The following DLG2 variants were observed in gnomAD, a reference collection of about 807,000 sequenced individuals.
DLG2 encodes the protein disks large homolog 2.
Under a neutral mutation model 132.5 loss-of-function variants are expected in DLG2, and 45 were observed. The observed-to-expected ratio is 0.34, with a 90% CI of 0.27 to 0.44. The LOEUF (loss-of-function observed/expected upper bound fraction) is 0.44. Ranked by LOEUF, DLG2 falls within the 20% of genes least tolerant of loss-of-function variation. DLG2 has a pLI of 1.00. For missense variants in DLG2, 1,045 were observed against 1,196.9 expected (o/e 0.87, Z 1.87); for synonymous variants, 424 against 419.6 (o/e 1.01, Z -0.13).
intron 18 of DLG2, among the ~76,000 whole-genome samples, chr11:83,677,530 C>A (rs2077957510): frequency 6.6e-6 from 1 of 152,156 alleles, no homozygotes; most frequent in South Asian, 2.1e-4. Context: ...CTAAGGAAAG[C>A]AAAGTTGCAA....
At chr11:85,391,166 T>C (rs1596811909) in intron 3 of DLG2, among the ~76,000 whole-genome samples, 5 of 152,018 alleles carry the variant, frequency 3.3e-5, no homozygotes, top group Admixed American at 3.3e-4. Flanking sequence ...AACGTTTACA[T>C]GCATAAACTA....
At chr11:84,112,864 A>G (rs1287995134) in intron 9 of DLG2, among the ~76,000 whole-genome samples, 2 of 152,218 alleles carry the variant, frequency 1.3e-5, no homozygotes, top group Non-Finnish European at 2.9e-5. Flanking sequence ...TAGCTTTACT[A>G]TCTCTTGACT....
At chr11:85,225,465 C>A (rs1241169921) in intron 4 of DLG2, among the ~76,000 whole-genome samples, 1 of 152,132 alleles carries the variant, frequency 6.6e-6, no homozygotes, top group Non-Finnish European at 1.5e-5. Context: ...AAAATCTTAA[C>A]CTAAGTTTAT....
At chr11:84,459,370 A>G (rs1009670752) in intron 7 of DLG2, among the ~76,000 whole-genome samples, 7 of 150,734 alleles carry the variant, frequency 4.6e-5, no homozygotes, top group Admixed American at 4.0e-4. Flanking sequence ...CCTTTTGACA[A>G]ATAATATCAC....
intron 19 of DLG2, among the ~76,000 whole-genome samples, chr11:83,574,787 G>A (rs1292014834): frequency 6.6e-6 from 1 of 152,140 alleles, no homozygotes; most frequent in Non-Finnish European, 1.5e-5. Flanking sequence ...TAAAACGATT[G>A]GATCCAGGGA....
chr11:84,428,998 C>T (rs1204869493), intron 7 of DLG2, among the ~76,000 whole-genome samples: 3 of 152,082 alleles, frequency 2.0e-5, no homozygotes, highest in Non-Finnish European at 2.9e-5. Context: ...AGGAAGAGAA[C>T]CAAAGCCTCA....
chr11:84,901,093 A>T (rs1272476081), intron 6 of DLG2, among the ~76,000 whole-genome samples: 1 of 152,098 alleles, frequency 6.6e-6, no homozygotes, highest in East Asian at 1.9e-4. Flanking sequence ...CAATTAATAG[A>T]CATTTAAAAA....
Position 85,264,983 on chromosome 11 carries a change from C to T in DLG2, c.186+20237G>A, listed in dbSNP as rs76798525. 7.5e-3 allele frequency among the ~76,000 whole-genome samples: 1,136 copies of T among 152,316 alleles called. 12 individuals are homozygous for T. The highest frequency in any genetic ancestry group is 0.011 in the Admixed American group (174 of 15,288). On this transcript the variant is annotated intron_variant, in intron 4 of 27. Transcript: ENST00000376104. ...TATCATCCTCCACTTACATTCTAGT[C>T]ATGCAGAGCTACTTGTAGCTCCTAG...
intron 6 of DLG2, among the ~76,000 whole-genome samples, chr11:84,892,192 G>C (rs1485368116): frequency 6.6e-6 from 1 of 152,144 alleles, no homozygotes; most frequent in Non-Finnish European, 1.5e-5. Flanking sequence ...GGCAACTGAT[G>C]TCATAGGATA....
intron 5 of DLG2, among the ~76,000 whole-genome samples, chr11:85,137,969 C>T (rs994440671): frequency 6.6e-6 from 1 of 151,584 alleles, no homozygotes; most frequent in Non-Finnish European, 1.5e-5. Context: ...TAATGGATCC[C>T]GAAAATAATT....
chr11:84,438,086 C>T (rs941373279), intron 7 of DLG2, among the ~76,000 whole-genome samples: 2 of 152,204 alleles, frequency 1.3e-5, no homozygotes, highest in Admixed American at 6.5e-5. Flanking sequence ...CCCAATCCCA[C>T]TCATATCCTC....
chr11:84,698,587 A>C (rs186310634), intron 6 of DLG2, among the ~76,000 whole-genome samples: 1 of 151,622 alleles, frequency 6.6e-6, no homozygotes, highest in South Asian at 2.1e-4. Context: ...ATCATATGTA[A>C]TAAGTGCATA....
chr11:83,821,227 C>T (rs1333761094), intron 17 of DLG2, among the ~76,000 whole-genome samples: 4 of 152,152 alleles, frequency 2.6e-5, no homozygotes, highest in Non-Finnish European at 5.9e-5. Flanking sequence ...GCCAATGCTG[C>T]CCTTGGGAAT....
At chr11:84,510,114 T>TATTATC (rs1554982236) in intron 7 of DLG2, among the ~76,000 whole-genome samples, 1 of 150,100 alleles carries the variant, frequency 6.7e-6, no homozygotes, top group Non-Finnish European at 1.5e-5. Flanking sequence ...TTATTATTAT[T>TATTATC]ATTATTATTA....
intron 19 of DLG2, among the ~76,000 whole-genome samples, chr11:83,553,698 C>A (rs1000061164): frequency 1.3e-5 from 2 of 151,930 alleles, no homozygotes; most frequent in African/African-American, 4.8e-5. Context: ...TGACTTTCAC[C>A]CAGTAAGGTT....
chr11:84,834,652 G>A (rs1283543052), intron 6 of DLG2, among the ~76,000 whole-genome samples: 2 of 151,542 alleles, frequency 1.3e-5, no homozygotes, highest in Non-Finnish European at 1.5e-5. Flanking sequence ...TGAATATGGA[G>A]TCTTTTTTAT....
chr11:84,288,465 A>G (rs1336109167), intron 7 of DLG2, among the ~76,000 whole-genome samples: 1 of 152,094 alleles, frequency 6.6e-6, no homozygotes, highest in East Asian at 1.9e-4. Flanking sequence ...TATGACTGAA[A>G]AGATATTTTG....
At chr11:85,122,073 A>G (rs1466456921) in intron 5 of DLG2, among the ~76,000 whole-genome samples, 3 of 152,208 alleles carry the variant, frequency 2.0e-5, no homozygotes, top group Non-Finnish European at 4.4e-5. Flanking sequence ...TGAAAGAATC[A>G]ATCAACACTT....
At chr11:84,886,602 A>T (rs2088365299) in intron 6 of DLG2, among the ~76,000 whole-genome samples, 1 of 152,138 alleles carries the variant, frequency 6.6e-6, no homozygotes, top group Non-Finnish European at 1.5e-5. Flanking sequence ...TAAACTTGGA[A>T]TTTATCTAAA....
Sources: allele counts gnomAD v4.1 joint callset (sites outside exome capture counted in the v4.1 genomes callset), GRCh38; gene constraint gnomAD v4.1.1; transcripts MANE v1.5; gene names NCBI Gene and HGNC (gene_info 2026-07-23, HGNC 2026-07-21).